The following PIKFYVE variants were observed in gnomAD, a reference collection of about 807,000 sequenced individuals.
The protein encoded by PIKFYVE is 1-phosphatidylinositol 3-phosphate 5-kinase.
In PIKFYVE, 122 loss-of-function variants were observed where a neutral mutation model predicts 257.9. The observed-to-expected ratio is 0.47, with a 90% CI of 0.41 to 0.55. The LOEUF is 0.55. Ranked by LOEUF, PIKFYVE falls within the 20% of genes least tolerant of loss-of-function variation. PIKFYVE has a pLI of 0.00. For missense variants in PIKFYVE, 2,160 were observed against 2,536.6 expected (o/e 0.85, Z 3.19); for synonymous variants, 892 against 868.9 (o/e 1.03, Z -0.47).
rs1229689312 is a variant in PIKFYVE at position 208,354,130 on chromosome 2, C to G, written c.6077C>G (p.Thr2026Ser). Reference protein sequence around the residue: ...DYSLLVGRDDTSNELVVGIID... With the variant: ...DYSLLVGRDDSSNELVVGIID... Reference sequence around the variant, plus strand: ...TCTTTGCTGGTTGGGCGAGATGATACTAGCAATGAGCTAGTAGTTGGAATT... The same window carrying G: ...TCTTTGCTGGTTGGGCGAGATGATAGTAGCAATGAGCTAGTAGTTGGAATT... Residue 2026 changes from threonine (T) to serine (S), a missense_variant, in exon 40 of 42, where the codon ACT becomes AGT. Around this residue, in one of 12 missense-constraint regions of PIKFYVE, gnomAD observed 699 missense variants for 855.8 expected, o/e 0.82. Transcript: ENST00000264380. 4 of 1,613,718 alleles carry G rather than the reference C, an allele frequency of 2.5e-6. No homozygotes were observed. Among genetic ancestry groups the G allele is most frequent in the Non-Finnish European group, 3.4e-6 (4 of 1,179,884 alleles).
Position 208,314,309 on chromosome 2 carries a change from G to GCCGAGTAGAGGAAAAT in PIKFYVE, c.1727_1728insTCCGAGTAGAGGAAAA (p.Lys576AsnfsTer20), listed in dbSNP as rs1419319340. 6.2e-7 allele frequency: 1 copy of GCCGAGTAGAGGAAAAT among 1,613,002 alleles called. No individual in the cohort carries two copies. Among genetic ancestry groups the GCCGAGTAGAGGAAAAT allele is most frequent in the African/African-American group, 1.3e-5 (1 of 74,952 alleles). On this transcript the variant is annotated frameshift_variant, in exon 14 of 42. Transcript: ENST00000264380. LOFTEE classifies it high-confidence loss of function. ...TTGTACTTAGAATCCTTATTTAATC[G>GCCGAGTAGAGGAAAAT]CCGAGTAGAGGAAAAATCCAAAGAG...
In PIKFYVE at chr2:208,277,618, A is replaced by G. The variant is rs1690276228; in HGVS notation, c.523A>G (p.Arg175Gly). ...CTGTAGTGAGAAATTTACAACCTTT[A>G]GGCGCAGACACCATTGCCGACTATG... ...YDCSEKFTTF[R>G]RRHHCRLCGQ... The change falls in exon 5 of 42, where the codon AGG becomes GGG. Residue 175 changes from arginine (R) to glycine (G), a missense_variant. Physicochemically the swap from Arg to Gly is moderately radical, Grantham distance 125. Around this residue, in one of 12 missense-constraint regions of PIKFYVE, gnomAD observed 28 missense variants for 68.2 expected, o/e 0.41. Transcript: ENST00000264380. 6.2e-7 allele frequency: 1 copy of G among 1,613,832 alleles called. No homozygotes were observed. Among genetic ancestry groups the G allele is most frequent in the African/African-American group, 1.3e-5 (1 of 74,908 alleles).
At chr2:208,268,164 A>G (rs1688919328) in intron 1 of PIKFYVE, among the ~76,000 whole-genome samples, 1 of 152,184 alleles carries the variant, frequency 6.6e-6, no homozygotes, top group Admixed American at 6.5e-5. Context: ...TAGTGTCATT[A>G]TGTAATTATT....
chr2:208,318,950 C>CAAAAAAA (rs57665157), intron 16 of PIKFYVE, among the ~76,000 whole-genome samples: 1 of 108,390 alleles, frequency 9.2e-6, no homozygotes, highest in Admixed American at 1.0e-4. Flanking sequence ...GACTCCGTCT[C>CAAAAAAA]AAAAAAAAAA....
Position 208,303,622 on chromosome 2 carries a change from A to G in PIKFYVE, c.1321-549A>G, listed in dbSNP as rs116110926. Among the ~76,000 whole-genome samples, 401 of 152,306 alleles carry G rather than the reference A, an allele frequency of 2.6e-3. 1 individual carries two copies. Among genetic ancestry groups the G allele is most frequent in the African/African-American group, 8.7e-3 (363 of 41,550 alleles). ...GCTGAGGAAGAGTGAGGAAAAGAAG[A>G]GATTGCTTTTGCTGTCTCAGGGGTA... On this transcript the variant is annotated intron_variant, in intron 10 of 41. Transcript: ENST00000264380.
intron 36 of PIKFYVE, 73 bp downstream of exon 36, chr2:208,350,156 T>C (rs1209834702): frequency 6.3e-7 from 1 of 1,586,614 alleles, no homozygotes; most frequent in Non-Finnish European, 8.6e-7. Context: ...ATTTGAGAAT[T>C]CTAGCTTCAT....
chr2:208,340,605 A>G (rs1229198553), intron 31 of PIKFYVE, among the ~76,000 whole-genome samples: 2 of 151,950 alleles, frequency 1.3e-5, no homozygotes, highest in South Asian at 2.1e-4. Context: ...GTGAAAGTTT[A>G]TTTTTCTTCC....
Position 208,326,436 on chromosome 2 carries a change from C to T in PIKFYVE, c.3618+7C>T, listed in dbSNP as rs771114057. 10 of 1,612,972 alleles carry T rather than the reference C, an allele frequency of 6.2e-6. No homozygotes were observed. In the African/African-American group the frequency reaches 9.3e-5, roughly 15 times the overall value. On this transcript the variant is annotated splice_region_variant and intron_variant, in intron 20 of 41. Transcript: ENST00000264380. ...TGCTGTGTGGTCAACAAAGGTGAGC[C>T]AGACCACTTTCTGATGCTCCTGTGC...
rs11471825 is a variant in PIKFYVE at position 208,322,374 on chromosome 2, TA to T, written c.2191-1744del. 3.4e-3 allele frequency among the ~76,000 whole-genome samples: 328 copies of T among 97,790 alleles called. 1 individual carries two copies. The highest frequency in any genetic ancestry group is 6.4e-3 in the African/African-American group (160 of 25,100). 64.2% of individuals were successfully genotyped at this position (97,790 alleles called of 152,430 possible). On this transcript the variant is annotated intron_variant, in intron 17 of 41. Coordinates refer to ENST00000264380, the MANE Select transcript of PIKFYVE (RefSeq NM_015040.4). ...GGTAACAGAATGAGACCCTGTCTCT[TA>T]AAAAAAAAAAAAAAAAAAAAAAACT...
intron 19 of PIKFYVE, 24 bp from the exon 20 acceptor site, chr2:208,325,246 C>G (rs1161222436): frequency 6.2e-7 from 1 of 1,609,170 alleles, no homozygotes; most frequent in African/African-American, 1.3e-5. Flanking sequence ...ACCATCTTAA[C>G]TTTCTGTTTG....
intron 33 of PIKFYVE, among the ~76,000 whole-genome samples, 172 bp downstream of exon 33, chr2:208,345,366 G>C (rs1699133203): frequency 6.6e-6 from 1 of 151,964 alleles, no homozygotes; most frequent in African/African-American, 2.4e-5. Flanking sequence ...TATAGCAAAA[G>C]AACTTAAACA....
chr2:208,290,285 C>A (rs147528710), intron 7 of PIKFYVE, among the ~76,000 whole-genome samples: 1 of 152,236 alleles, frequency 6.6e-6, no homozygotes, highest in Admixed American at 6.5e-5. Flanking sequence ...TTTATCCCTT[C>A]CTCTCCCCAA....
chr2:208,282,420 T>C (rs1434204132), intron 5 of PIKFYVE, among the ~76,000 whole-genome samples: 1 of 152,216 alleles, frequency 6.6e-6, no homozygotes, highest in African/African-American at 2.4e-5. Context: ...CACATTTATA[T>C]AGAGAGAAAT....
intron 5 of PIKFYVE, among the ~76,000 whole-genome samples, chr2:208,280,980 A>C (rs1316010938): frequency 6.6e-6 from 1 of 152,190 alleles, no homozygotes; most frequent in African/African-American, 2.4e-5. Context: ...GGATCCAGTG[A>C]TCCCCATTGC....
Position 208,325,548 on chromosome 2 carries a change from T to C in PIKFYVE, c.2737T>C (p.Trp913Arg), listed in dbSNP as rs775674255. 3.7e-6 allele frequency: 6 copies of C among 1,614,024 alleles called. No homozygotes were observed. The highest frequency in any genetic ancestry group is 5.1e-6 in the Non-Finnish European group (6 of 1,179,994). ...GCAGTACGGTGGAGGTTCCATCCCC[T>C]GGGATCCTGACATCCCTCCTGAGTC... is the stretch of plus-strand genomic sequence containing the variant. ...QEQYGGGSIP[W>R]DPDIPPESLP... The change falls in exon 20 of 42, where the codon TGG (tryptophan) becomes CGG (arginine). Residue 913 changes from tryptophan (W) to arginine (R), a missense_variant. Physicochemically the swap from Trp to Arg is moderately radical, Grantham distance 101 (BLOSUM62 -3). Transcript: ENST00000264380.
In PIKFYVE at chr2:208,325,987, T is replaced by G; in HGVS notation, c.3176T>G (p.Val1059Gly). The G allele has an allele frequency of 6.2e-7, 1 of 1,614,082 alleles. No homozygotes were observed. The highest frequency in any genetic ancestry group is 8.5e-7 in the Non-Finnish European group (1 of 1,179,926). ...GATGTGATCCTCTGTATCTCCCCAG[T>G]AATCACATTCCGAGAACCCTTTCTT... Reference protein sequence around the residue: ...LKDVILCISPVITFREPFLLT... With the variant: ...LKDVILCISPGITFREPFLLT... Residue 1059 changes from valine (V) to glycine (G), a missense_variant, in exon 20 of 42, where the codon GTA (valine) becomes GGA (glycine). By Grantham distance (109) the Val-to-Gly change is moderately radical. Coordinates refer to ENST00000264380, the MANE Select transcript of PIKFYVE (RefSeq NM_015040.4).
chr2:208,336,759 T>G, intron 27 of PIKFYVE, 79 bp from the exon 28 acceptor site: 1 of 916,398 alleles, frequency 1.1e-6, no homozygotes, highest in Non-Finnish European at 1.7e-6. Flanking sequence ...TTCAAAGTTG[T>G]AAAGAGAAAA....
intron 3 of PIKFYVE, among the ~76,000 whole-genome samples, chr2:208,276,160 T>C (rs150222380): frequency 3.3e-5 from 5 of 152,320 alleles, no homozygotes; most frequent in African/African-American, 1.2e-4. Context: ...AAATTTGCCA[T>C]CCTGGATGTT....
intron 12 of PIKFYVE, chr2:208,305,542 A>C: frequency 1.3e-6 from 1 of 799,190 alleles, no homozygotes; most frequent in Non-Finnish European, 1.5e-6. Flanking sequence ...TTCTTCTCTA[A>C]TGTAAAATGA....
Sources: gnomAD v4.1 joint callset for allele counts (sites outside exome capture counted in the v4.1 genomes callset) on GRCh38, gnomAD v4.1.1 for gene constraint, gnomAD v4.1.1 regional missense constraint, MANE v1.5 for transcripts, NCBI Gene and HGNC (gene_info 2026-07-23, HGNC 2026-07-21) for gene names.